The following GPR143 variants were observed in gnomAD, a reference collection of about 807,000 sequenced individuals.
The protein encoded by GPR143 is G protein-coupled receptor 143.
A neutral mutation model predicts 27.6 loss-of-function variants in GPR143; 8 were observed. The ratio of observed to expected loss-of-function variants is 0.29; its 90% CI spans 0.17 to 0.52. The LOEUF (loss-of-function observed/expected upper bound fraction) is 0.52, where lower values mean the gene tolerates loss of function less well. Among genes scored for constraint, GPR143 ranks in the 20% least tolerant of loss-of-function variants. The probability of loss-of-function intolerance (pLI) is 0.96; values close to 1 mark genes in which losing one functional copy is unlikely to be tolerated. For synonymous variants in GPR143, 156 were observed against 153.2 expected (o/e 1.02, Z -0.13); for missense variants, 303 against 343.1 (o/e 0.88, Z 0.92).
chrX:9,752,992 G>A (rs2083457885), intron 3 of GPR143, among the ~76,000 whole-genome samples: 1 of 111,319 alleles, frequency 9.0e-6, no homozygotes, highest in African/African-American at 3.3e-5. Flanking sequence ...GTGGGCCACA[G>A]GACCATGTCA....
intron 6 of GPR143, among the ~76,000 whole-genome samples, chrX:9,742,881 T>C (rs919654699): frequency 9.0e-6 from 1 of 110,707 alleles, no homozygotes; most frequent in Admixed American, 9.6e-5. Flanking sequence ...CCTAGACGGG[T>C]GGATCACTTG....
chrX:9,746,632 A>G (rs2083429634), intron 4 of GPR143, among the ~76,000 whole-genome samples: 1 of 111,446 alleles, frequency 9.0e-6, no homozygotes, highest in Admixed American at 9.6e-5. Context: ...ATTTCAGAGG[A>G]AATGTGTTCT....
At chrX:9,760,585 C>T (rs964822453) in intron 2 of GPR143, 132 bp downstream of exon 2, 8 of 483,654 alleles carry the variant, frequency 1.7e-5, no homozygotes, top group Non-Finnish European at 3.0e-5. Flanking sequence ...ACAGAGAGGG[C>T]TGGGTTCCTG....
intron 1 of GPR143, among the ~76,000 whole-genome samples, chrX:9,773,795 T>G (rs1400061798): frequency 9.1e-6 from 1 of 110,067 alleles, no homozygotes. Flanking sequence ...GCCAGGGAAG[T>G]TGAAGCTGCA....
intron 1 of GPR143, among the ~76,000 whole-genome samples, chrX:9,773,495 AC>A (rs2146710212): frequency 9.0e-6 from 1 of 110,580 alleles, no homozygotes; most frequent in Non-Finnish European, 1.9e-5. Context: ...ACACACACAC[AC>A]ACACACACAC....
At chrX:9,744,539 T>G (rs2083419407) in intron 5 of GPR143, among the ~76,000 whole-genome samples, 1 of 110,414 alleles carries the variant, frequency 9.1e-6, no homozygotes, top group Non-Finnish European at 1.9e-5. Flanking sequence ...ACCCCATCTC[T>G]ACTAAAAATG....
In GPR143 at chrX:9,752,465, A is replaced by G. The variant is rs780275570; in HGVS notation, c.456-3799T>C. Among the ~76,000 whole-genome samples, 4 of 112,264 alleles carry G rather than the reference A, an allele frequency of 3.6e-5. No individual in the cohort carries two copies. The South Asian group carries it at 1.1e-3, about 31-fold the overall frequency. ...GTCCTAATTTCTGGAACCTGTGAAT[A>G]TGTTCCCTTATATGGCAAAAGAGAC... On this transcript the variant is annotated intron_variant, in intron 3 of 8. Coordinates refer to ENST00000467482, the MANE Select transcript of GPR143 (RefSeq NM_000273.3).
intron 3 of GPR143, among the ~76,000 whole-genome samples, chrX:9,750,130 T>C (rs2083445258): frequency 8.9e-6 from 1 of 112,555 alleles, no homozygotes; most frequent in Non-Finnish European, 1.9e-5. Context: ...CACCCATCAA[T>C]GGACATTTAG....
chrX:9,761,218 C>T (rs978104882), intron 1 of GPR143, among the ~76,000 whole-genome samples: 3 of 111,051 alleles, frequency 2.7e-5, no homozygotes, highest in East Asian at 2.8e-4. Flanking sequence ...CTCAGCCTCC[C>T]GAGTGGCTGG....
At chrX:9,749,233 C>CAT (rs58576641) in intron 3 of GPR143, among the ~76,000 whole-genome samples, 1 of 105,424 alleles carries the variant, frequency 9.5e-6, no homozygotes, top group African/African-American at 3.6e-5. Flanking sequence ...CCCTCCCCCC[C>CAT]CAACCCCCTC....
chrX:9,727,478 TCTC>T lies in GPR143; in HGVS notation c.1121-1641_1121-1639del, dbSNP rs773012546. 6.7e-3 allele frequency among the ~76,000 whole-genome samples: 754 copies of T among 113,068 alleles called. 10 individuals carry two copies. The highest frequency in any genetic ancestry group is 0.023 in the African/African-American group (709 of 31,258). ...CCATGCAAGCTGGGTGGGCAGGCCATCTCCTGCAACAGGTAGCATGGCCGAGCG... is the reference window on the plus strand; with the variant it reads ...CCATGCAAGCTGGGTGGGCAGGCCATCTGCAACAGGTAGCATGGCCGAGCG... On this transcript the variant is annotated intron_variant, in intron 8 of 8. Transcript: ENST00000467482.
At position 9,732,283 on chromosome X, in the gene GPR143, G is replaced by A. The variant is rs763052863; in HGVS notation, c.1121-6443C>T. Among the ~76,000 whole-genome samples the A allele has an allele frequency of 6.3e-4, 70 of 111,416 alleles. 2 individuals carry two copies. Among genetic ancestry groups the A allele is most frequent in the Middle Eastern group, 4.7e-3 (1 of 215 alleles). On this transcript the variant is annotated intron_variant, in intron 8 of 8. Transcript: ENST00000467482. Reference sequence around the variant, plus strand: ...GAGCAGGGAATTGTGTGAAGGACAGGAACTGTGGAGAACAGAGTTGTGGGA... The same window carrying A: ...GAGCAGGGAATTGTGTGAAGGACAGAAACTGTGGAGAACAGAGTTGTGGGA...
chrX:9,768,950 T>C (rs970426892), upstream of GPR143, among the ~76,000 whole-genome samples: 7 of 111,648 alleles, frequency 6.3e-5, no homozygotes, highest in Non-Finnish European at 9.4e-5. Flanking sequence ...AGTGCTGGGA[T>C]TACAGGCATG....
intron 1 of GPR143, among the ~76,000 whole-genome samples, chrX:9,764,504 GCACACACACA>G (rs201690882): frequency 0.037 from 3,709 of 99,033 alleles, 146 homozygotes; most frequent in African/African-American, 0.1. Flanking sequence ...TTACACACGC[GCACACACACA>G]CACACACACA....
rs2083321938 is a variant in GPR143 at position 9,725,618 on chromosome X, G to T, written c.*128C>A. 1.9e-6 allele frequency: 1 copy of T among 527,832 alleles called. No homozygotes were observed. The highest frequency in any genetic ancestry group is 3.3e-6 in the Non-Finnish European group (1 of 302,124). The allele number at this position is 527,832 out of a possible 1,213,427, so 43.5% of individuals were successfully genotyped here. A position where few individuals can be genotyped will look rare whatever the true frequency, so the allele number is the denominator to read the frequency against. Reference sequence around the variant, plus strand: ...CCTTCGGGAAGAAGCTCTAGCTGGTGATGAGAGCAAGGTTTGGGGGCCGCT... The same window carrying T: ...CCTTCGGGAAGAAGCTCTAGCTGGTTATGAGAGCAAGGTTTGGGGGCCGCT... On this transcript the variant is annotated 3_prime_UTR_variant, in exon 9 of 9. Transcript: ENST00000467482.
chrX:9,736,243 TG>T (rs1433335410), intron 8 of GPR143, among the ~76,000 whole-genome samples: 1 of 111,742 alleles, frequency 8.9e-6, no homozygotes, highest in Admixed American at 9.5e-5. Flanking sequence ...AAGTCCGATG[TG>T]GAAATATTAA....
At chrX:9,766,252 T>G (rs967654345), upstream of GPR143, 5 of 113,926 alleles carry the variant, frequency 4.4e-5, no homozygotes, top group African/African-American at 1.6e-4. Flanking sequence ...TCTGACATCC[T>G]GATTTTGATG....
chrX:9,751,300 A>G (rs1285017592), intron 3 of GPR143, among the ~76,000 whole-genome samples: 7 of 111,945 alleles, frequency 6.3e-5, no homozygotes, highest in Non-Finnish European at 1.3e-4. Context: ...AGCTGTCTTC[A>G]CTTTGAGGAC....
chrX:9,766,068 G>GGGA (rs760397806), upstream of GPR143: 4 of 255,614 alleles, frequency 1.6e-5, no homozygotes, highest in Admixed American at 1.4e-4. Context: ...GAGAGGAAGA[G>GGGA]GGAGGAGGAG....
Sources: gnomAD v4.1 joint callset for allele counts (sites outside exome capture counted in the v4.1 genomes callset) on GRCh38, gnomAD v4.1.1 for gene constraint, MANE v1.5 for transcripts, NCBI Gene and HGNC (gene_info 2026-07-23, HGNC 2026-07-21) for gene names.